CIMAP1D: variants seen among roughly 807,000 people sequenced by gnomAD.
CIMAP1D encodes CIMAP1 family member D.
At chr19:475,561 A>G in the CIMAP1D span, among the ~76,000 whole-genome samples, 4,410 of 152,194 alleles carry the variant, frequency 0.029, 165 homozygotes, top group African/African-American at 0.093. Flanking sequence ...AGCCGTGCAG[A>G]GGCCCTGGGG....
At chr19:465,131 G>GTGGA in the CIMAP1D span, among the ~76,000 whole-genome samples, 14 of 77,244 alleles carry the variant, frequency 1.8e-4, no homozygotes, top group Admixed American at 2.7e-4. Context: ...GGGTTGATGA[G>GTGGA]TGGATGGATG....
the CIMAP1D span, among the ~76,000 whole-genome samples, chr19:466,954 A>G: frequency 4.7e-5 from 2 of 42,152 alleles, no homozygotes; most frequent in African/African-American, 1.2e-4. Context: ...GGGCGGGTGG[A>G]TAGATGGATG....
At chr19:480,713 A>AGAACG in the CIMAP1D span, among the ~76,000 whole-genome samples, 9 of 142,770 alleles carry the variant, frequency 6.3e-5, no homozygotes, top group Non-Finnish European at 1.2e-4. Flanking sequence ...ATGGAGAAGG[A>AGAACG]ATGTGGGAAG....
At chr19:479,787 C>T in the CIMAP1D span, among the ~76,000 whole-genome samples, 4 of 152,248 alleles carry the variant, frequency 2.6e-5, no homozygotes, top group African/African-American at 9.6e-5. Context: ...CCGCCTGCCT[C>T]GGCCTCCCAA....
chr19:471,803 C>T, the CIMAP1D span, among the ~76,000 whole-genome samples: 5 of 151,716 alleles, frequency 3.3e-5, no homozygotes, highest in South Asian at 2.1e-4. Flanking sequence ...AGTGCAGTGG[C>T]GCCATCTCGG....
chr19:482,489 C>T, the CIMAP1D span, among the ~76,000 whole-genome samples: 86 of 152,318 alleles, frequency 5.6e-4, no homozygotes, highest in Non-Finnish European at 9.1e-4. Flanking sequence ...AGAACTACAA[C>T]GCTGTTCCTC....
the CIMAP1D span, among the ~76,000 whole-genome samples, chr19:480,490 GTA>G: frequency 3.0e-5 from 3 of 98,696 alleles, no homozygotes; most frequent in South Asian, 3.2e-4. Context: ...AAGGATGATG[GTA>G]AGGATGATGG....
chr19:466,017 G>T, the CIMAP1D span, among the ~76,000 whole-genome samples: 3 of 149,824 alleles, frequency 2.0e-5, no homozygotes, highest in South Asian at 6.4e-4. Context: ...TGGAAGGACG[G>T]GTGGATAGAT....
At chr19:463,749 C>T in the CIMAP1D span, 1 of 1,498,358 alleles carries the variant, frequency 6.7e-7, no homozygotes, top group Non-Finnish European at 8.9e-7. Flanking sequence ...AGACTCCTTT[C>T]CCAGCCCCTC....
chr19:478,364 G>A, the CIMAP1D span, among the ~76,000 whole-genome samples: 416 of 152,372 alleles, frequency 2.7e-3, no homozygotes, highest in Non-Finnish European at 3.0e-3. Flanking sequence ...GTTCCAGCCC[G>A]GACTCGGCCC....
At chr19:463,763 C>G in the CIMAP1D span, 1 of 1,521,166 alleles carries the variant, frequency 6.6e-7, no homozygotes, top group Non-Finnish European at 8.8e-7. Context: ...GCCCCTCTCG[C>G]CTTCTAGCCC....
the CIMAP1D span, chr19:489,910 C>G: frequency 2.5e-6 from 1 of 394,600 alleles, no homozygotes; most frequent in African/African-American, 2.1e-5. Flanking sequence ...GCCTGAACCC[C>G]GACCCAGGGC....
At chr19:491,571 G>A in the CIMAP1D span, among the ~76,000 whole-genome samples, 1 of 151,956 alleles carries the variant, frequency 6.6e-6, no homozygotes, top group Non-Finnish European at 1.5e-5. Flanking sequence ...GAGCACCAAG[G>A]CGTCAGAGCA....
chr19:483,334 A>G, the CIMAP1D span, among the ~76,000 whole-genome samples: 1 of 147,856 alleles, frequency 6.8e-6, no homozygotes, highest in Non-Finnish European at 1.5e-5. Context: ...TGTCAGCCAG[A>G]GCCAGCTCTT....
chr19:487,519 G>A, the CIMAP1D span, among the ~76,000 whole-genome samples: 1 of 152,340 alleles, frequency 6.6e-6, no homozygotes, highest in South Asian at 2.1e-4. Context: ...CAATAAAGAT[G>A]TGCTGGCAGG....
At chr19:482,563 C>G in the CIMAP1D span, among the ~76,000 whole-genome samples, 1 of 151,898 alleles carries the variant, frequency 6.6e-6, no homozygotes, top group African/African-American at 2.4e-5. Context: ...AGTGGATGGG[C>G]ACTTATTAAT....
At chr19:464,941 T>C in the CIMAP1D span, among the ~76,000 whole-genome samples, 3 of 127,236 alleles carry the variant, frequency 2.4e-5, no homozygotes, top group Admixed American at 9.9e-5. Context: ...GAACGGTTGA[T>C]AGGTAGAAGG....
the CIMAP1D span, among the ~76,000 whole-genome samples, chr19:480,782 GAGAATGATGATGC>G: frequency 7.7e-4 from 108 of 140,040 alleles, 13 homozygotes; most frequent in African/African-American, 2.1e-3. Context: ...AACGATGATG[GAGAATGATGATGC>G]AGAAGGAATG....
the CIMAP1D span, chr19:472,288 G>A: frequency 9.0e-5 from 51 of 567,958 alleles, no homozygotes; most frequent in Admixed American, 4.1e-5. Context: ...GCTTCCTGCC[G>A]CACTAACTGG....
Sources: allele counts gnomAD v4.1 joint callset (sites outside exome capture counted in the v4.1 genomes callset), GRCh38; gene constraint gnomAD v4.1.1; transcripts MANE v1.5; gene names NCBI Gene and HGNC (gene_info 2026-07-23, HGNC 2026-07-21).